SGCD: variants seen among roughly 807,000 people sequenced by gnomAD.
SGCD encodes delta-sarcoglycan.
Under a neutral mutation model 36.6 loss-of-function variants are expected in SGCD, and 18 were observed. The observed-to-expected ratio is 0.49, with a 90% CI of 0.34 to 0.73. The LOEUF (loss-of-function observed/expected upper bound fraction) is 0.73. Among genes scored for constraint, SGCD ranks in the 30% least tolerant of loss-of-function variants. The pLI is 0.01. For missense variants in SGCD, 387 were observed against 346.7 expected (o/e 1.12, Z -0.92); for synonymous variants, 133 against 130.6 (o/e 1.02, Z -0.12).
At chr5:155,933,082 T>G (rs1044682208) in intron 1 of SGCD, among the ~76,000 whole-genome samples, 3 of 152,190 alleles carry the variant, frequency 2.0e-5, no homozygotes, top group Admixed American at 1.3e-4. Context: ...GCAACTAGAA[T>G]CCAAACCTCA....
chr5:155,850,418 CAGAGAGAGAG>C, the SGCD span, among the ~76,000 whole-genome samples: 2 of 149,114 alleles, frequency 1.3e-5, no homozygotes, highest in Non-Finnish European at 3.0e-5. Context: ...GAGACAGAGA[CAGAGAGAGAG>C]AGAGAGAGGA....
chr5:156,574,744 G>A (rs143503533), intron 4 of SGCD, among the ~76,000 whole-genome samples: 20 of 152,184 alleles, frequency 1.3e-4, no homozygotes, highest in African/African-American at 2.9e-4. Context: ...CATGACATAA[G>A]CCAGTCTCTA....
chr5:155,997,678 G>C (rs977106907), intron 1 of SGCD, among the ~76,000 whole-genome samples: 2 of 152,230 alleles, frequency 1.3e-5, no homozygotes, highest in African/African-American at 4.8e-5. Context: ...AACATAACTA[G>C]AGTGCATCTT....
At chr5:156,321,235 T>C (rs763619740) in intron 3 of SGCD, among the ~76,000 whole-genome samples, 5 of 152,136 alleles carry the variant, frequency 3.3e-5, no homozygotes, top group African/African-American at 4.8e-5. Flanking sequence ...CTGGCTAACA[T>C]GGTGAAACCC....
At chr5:155,872,358 C>A (rs1298060550) in intron 1 of SGCD, among the ~76,000 whole-genome samples, 1 of 117,564 alleles carries the variant, frequency 8.5e-6, no homozygotes, top group Non-Finnish European at 1.9e-5. Context: ...TCAGCACACA[C>A]ACACACACAC....
chr5:156,484,626 G>A (rs1039560523), intron 3 of SGCD, among the ~76,000 whole-genome samples: 7 of 152,120 alleles, frequency 4.6e-5, no homozygotes, highest in African/African-American at 9.6e-5. Flanking sequence ...CCGGATACTC[G>A]GAAATGGCTT....
intron 3 of SGCD, among the ~76,000 whole-genome samples, chr5:156,255,437 ACCT>A (rs1284374777): frequency 6.6e-6 from 1 of 151,914 alleles, no homozygotes; most frequent in Non-Finnish European, 1.5e-5. Context: ...CCTGACCTAT[ACCT>A]CCTTTTCTGT....
the SGCD span, among the ~76,000 whole-genome samples, chr5:155,835,874 GCCGTT>G: frequency 6.6e-6 from 1 of 152,120 alleles, no homozygotes. Flanking sequence ...GAAATCCTGT[GCCGTT>G]CCCTTCCATC....
chr5:156,622,435 AAATAATAATAATAATAAT>A (rs56979795), intron 6 of SGCD, among the ~76,000 whole-genome samples: 25 of 137,086 alleles, frequency 1.8e-4, no homozygotes, highest in African/African-American at 3.8e-4. Context: ...TCTGTCTAAA[AAATAATAATAATAATAAT>A]AATAATAATA....
intron 3 of SGCD, among the ~76,000 whole-genome samples, chr5:156,453,343 C>T (rs1754109728): frequency 6.6e-6 from 1 of 152,134 alleles, no homozygotes; most frequent in Non-Finnish European, 1.5e-5. Context: ...AGTTACAGAA[C>T]TAGCTGTTTT....
the SGCD span, among the ~76,000 whole-genome samples, chr5:155,728,271 G>GGCCGCTGCTGCCGCT: frequency 6.6e-6 from 1 of 152,062 alleles, no homozygotes; most frequent in Non-Finnish European, 1.5e-5. Context: ...GGGAGGTGGC[G>GGCCGCTGCTGCCGCT]GCCGCTGCTG....
At chr5:156,755,680 A>G (rs1354241485) in intron 7 of SGCD, among the ~76,000 whole-genome samples, 1 of 152,216 alleles carries the variant, frequency 6.6e-6, no homozygotes, top group Non-Finnish European at 1.5e-5. Flanking sequence ...AACCTGGTGA[A>G]GGTCTTAAGA....
At chr5:156,112,153 C>A (rs972896567) in intron 1 of SGCD, among the ~76,000 whole-genome samples, 2 of 152,166 alleles carry the variant, frequency 1.3e-5, no homozygotes, top group African/African-American at 4.8e-5. Context: ...TTAGAAATTT[C>A]TCAACTTGGA....
At chr5:156,756,094 A>G (rs769240813) in intron 7 of SGCD, among the ~76,000 whole-genome samples, 3 of 152,178 alleles carry the variant, frequency 2.0e-5, no homozygotes, top group Non-Finnish European at 4.4e-5. Context: ...CCTTTTTAAC[A>G]TGTTTAAGGT....
At chr5:156,463,496 CT>C (rs1382769624) in intron 3 of SGCD, among the ~76,000 whole-genome samples, 2 of 152,086 alleles carry the variant, frequency 1.3e-5, no homozygotes, top group Non-Finnish European at 2.9e-5. Context: ...CTGAACTATA[CT>C]TTTTTTGGAT....
intron 7 of SGCD, among the ~76,000 whole-genome samples, chr5:156,681,162 C>T (rs1004467342): frequency 2.2e-4 from 33 of 152,230 alleles, no homozygotes; most frequent in African/African-American, 7.5e-4. Context: ...GGTTCTTGTC[C>T]GGCGTTCAGG....
the SGCD span, among the ~76,000 whole-genome samples, chr5:155,841,454 T>C: frequency 1.3e-5 from 2 of 152,230 alleles, no homozygotes; most frequent in Non-Finnish European, 2.9e-5. Flanking sequence ...TCATTGTAGT[T>C]GTAATTTATA....
At chr5:155,738,536 T>G in the SGCD span, among the ~76,000 whole-genome samples, 2,262 of 152,342 alleles carry the variant, frequency 0.015, 247 homozygotes, top group Admixed American at 0.14. Flanking sequence ...CTGCATAATG[T>G]ACCATTATAT....
the SGCD span, among the ~76,000 whole-genome samples, chr5:155,779,255 A>G: frequency 1.7e-4 from 23 of 138,034 alleles, no homozygotes; most frequent in Admixed American, 1.3e-3. Context: ...CCTGAGCAAC[A>G]TGGCAAAACT....
Sources: allele counts gnomAD v4.1 joint callset (sites outside exome capture counted in the v4.1 genomes callset), GRCh38; gene constraint gnomAD v4.1.1; transcripts MANE v1.5; gene names NCBI Gene and HGNC (gene_info 2026-07-23, HGNC 2026-07-21).